KCNAB1: variants seen among roughly 807,000 people sequenced by gnomAD.
KCNAB1 encodes potassium voltage-gated channel subfamily A regulatory beta subunit 1.
In KCNAB1, 35 loss-of-function variants were observed where a neutral mutation model predicts 64.6. The ratio of observed to expected loss-of-function variants is 0.54; its 90% CI spans 0.41 to 0.72. The LOEUF is 0.72. Ranked by LOEUF, KCNAB1 falls within the 30% of genes least tolerant of loss-of-function variation. The pLI, the probability that KCNAB1 is intolerant of heterozygous loss-of-function variation, is 0.00. For missense variants in KCNAB1, 401 were observed against 512.9 expected, an observed-to-expected ratio of 0.78 and a Z score of 2.11; for synonymous variants, 177 against 183.8, an observed-to-expected ratio of 0.96 and a Z score of 0.30.
intron 1 of KCNAB1, among the ~76,000 whole-genome samples, chr3:156,236,991 A>G (rs1390761969): frequency 2.0e-5 from 3 of 152,148 alleles, no homozygotes; most frequent in African/African-American, 7.2e-5. Flanking sequence ...TTGCAGTGTT[A>G]TTGCTCTTGA....
At chr3:156,524,604 G>T (rs192438634) in intron 12 of KCNAB1, among the ~76,000 whole-genome samples, 1 of 151,840 alleles carries the variant, frequency 6.6e-6, no homozygotes, top group Non-Finnish European at 1.5e-5. Context: ...AAAATTAGCC[G>T]GGCGTGGTGG....
At position 156,465,674 on chromosome 3, in the gene KCNAB1, C is replaced by T; in HGVS notation, c.559C>T (p.His187Tyr). The T allele has an allele frequency of 6.2e-7, 1 of 1,613,120 alleles. No individual in the cohort carries two copies. ...AACAGAAAGAGGGCTGTCAAGAAAG[C>T]ATATTATTGAAGGTGGGTACTTCTG... ...AETERGLSRK[H>Y]IIEGLKGSLQ... The change falls in exon 7 of 14, where the codon CAT (histidine) becomes TAT (tyrosine). Residue 187 changes from histidine (H) to tyrosine (Y), a missense_variant. Transcript: ENST00000490337.
chr3:156,459,661 G>A (rs190578315), intron 4 of KCNAB1, among the ~76,000 whole-genome samples, 166 bp from the exon 5 acceptor site: 1 of 152,106 alleles, frequency 6.6e-6, no homozygotes, highest in Non-Finnish European at 1.5e-5. Flanking sequence ...GGATTTTGCA[G>A]GCACAAGCAG....
chr3:156,484,964 A>G (rs1715094016), intron 8 of KCNAB1, among the ~76,000 whole-genome samples: 2 of 152,086 alleles, frequency 1.3e-5, no homozygotes, highest in East Asian at 1.9e-4. Flanking sequence ...TCATTTGTAA[A>G]ATGGGAAGAA....
chr3:156,432,316 T>C (rs1301268769), intron 2 of KCNAB1, among the ~76,000 whole-genome samples: 1 of 152,196 alleles, frequency 6.6e-6, no homozygotes, highest in Admixed American at 6.5e-5. Flanking sequence ...GCAGGGTAAA[T>C]ATACAGCTTT....
At chr3:156,225,378 T>C (rs907701455) in intron 1 of KCNAB1, among the ~76,000 whole-genome samples, 2 of 152,220 alleles carry the variant, frequency 1.3e-5, no homozygotes, top group Admixed American at 6.5e-5. Context: ...CATTGCTTTA[T>C]GATTAAAATC....
intron 1 of KCNAB1, among the ~76,000 whole-genome samples, chr3:156,247,509 G>A (rs1455596746): frequency 4.6e-5 from 7 of 151,872 alleles, no homozygotes; most frequent in Non-Finnish European, 8.8e-5. Context: ...TTCATGCACC[G>A]CCTCCTCTGG....
At chr3:156,181,943 G>T (rs972108737) in intron 1 of KCNAB1, among the ~76,000 whole-genome samples, 1 of 152,138 alleles carries the variant, frequency 6.6e-6, no homozygotes, top group Admixed American at 6.5e-5. Context: ...AGATTATTAA[G>T]TTATATGAAA....
intron 2 of KCNAB1, among the ~76,000 whole-genome samples, chr3:156,442,470 A>G (rs541131731): frequency 7.2e-5 from 11 of 152,238 alleles, no homozygotes; most frequent in Non-Finnish European, 1.6e-4. Flanking sequence ...AAATCTTAAA[A>G]CAAAATGGAG....
chr3:156,307,154 A>AG (rs1721545723), intron 1 of KCNAB1, among the ~76,000 whole-genome samples: 1 of 152,196 alleles, frequency 6.6e-6, no homozygotes, highest in African/African-American at 2.4e-5. Flanking sequence ...GGAAGATGGA[A>AG]GAGGAGAGCA....
rs1718123971 is a variant in KCNAB1 at position 156,256,811 on chromosome 3, G to C, written c.275+135925G>C. 2.0e-5 allele frequency among the ~76,000 whole-genome samples: 3 copies of C among 152,192 alleles called. No individual in the cohort carries two copies. In the South Asian group the frequency reaches 6.2e-4, roughly 32 times the overall value. ...GTGCTTCTTTGGTCTCTGGCTTCTAGTTGGGTTCAGCCCATTGGCAGGAGA... is the reference window on the plus strand; with the variant it reads ...GTGCTTCTTTGGTCTCTGGCTTCTACTTGGGTTCAGCCCATTGGCAGGAGA... On this transcript the variant is annotated intron_variant, in intron 1 of 13. Coordinates refer to ENST00000490337, the MANE Select transcript of KCNAB1 (RefSeq NM_172160.3).
At chr3:156,504,736 G>GTTTTTTTTT (rs1553756361) in intron 8 of KCNAB1, among the ~76,000 whole-genome samples, 2 of 105,846 alleles carry the variant, frequency 1.9e-5, no homozygotes. Flanking sequence ...TACTTGTTTT[G>GTTTTTTTTT]TTTTTGTTTT....
At chr3:156,239,279 T>G (rs1717032641) in intron 1 of KCNAB1, among the ~76,000 whole-genome samples, 1 of 152,240 alleles carries the variant, frequency 6.6e-6, no homozygotes, top group African/African-American at 2.4e-5. Flanking sequence ...GGCAGCACAC[T>G]GTTTCTTTTT....
intron 8 of KCNAB1, among the ~76,000 whole-genome samples, chr3:156,506,096 A>T (rs1331845108): frequency 2.0e-5 from 3 of 152,308 alleles, no homozygotes; most frequent in Middle Eastern, 3.4e-3. Flanking sequence ...TGTAAATGAT[A>T]TTGCTTTCAT....
In KCNAB1 at chr3:156,143,122, G is replaced by A. The variant is rs1202044139; in HGVS notation, c.275+22236G>A. On this transcript the variant is annotated intron_variant, in intron 1 of 13. Coordinates refer to ENST00000490337, the MANE Select transcript of KCNAB1 (RefSeq NM_172160.3). ...CCCAAGGTATTCACAGCAAGATACAGTGAGTCTTAAAGTTAAGCACCGTGC... is the reference window on the plus strand; with the variant it reads ...CCCAAGGTATTCACAGCAAGATACAATGAGTCTTAAAGTTAAGCACCGTGC... 6 of 1,500,890 alleles carry A rather than the reference G, an allele frequency of 4.0e-6. No individual in the cohort carries two copies. The African/African-American group carries it at 5.6e-5, about 14-fold the overall frequency. 93.0% of individuals were successfully genotyped at this position (1,500,890 alleles called of 1,614,324 possible). A position where few individuals can be genotyped will look rare whatever the true frequency, so the allele number is the denominator to read the frequency against.
chr3:156,168,279 G>T (rs76412240), intron 1 of KCNAB1, among the ~76,000 whole-genome samples: 2 of 151,244 alleles, frequency 1.3e-5, no homozygotes, highest in Admixed American at 6.6e-5. Flanking sequence ...CAGCATATAA[G>T]TATCTATCAA....
intron 11 of KCNAB1, among the ~76,000 whole-genome samples, chr3:156,518,421 C>T (rs561233401): frequency 1.4e-5 from 2 of 144,658 alleles, no homozygotes; most frequent in Admixed American, 6.7e-5. Context: ...AGTATCAGAG[C>T]AACCTTTGGA....
At chr3:156,308,588 C>T (rs1721672881) in intron 1 of KCNAB1, among the ~76,000 whole-genome samples, 1 of 152,200 alleles carries the variant, frequency 6.6e-6, no homozygotes, top group South Asian at 2.1e-4. Flanking sequence ...TATGGAGCTT[C>T]TCTTCTGGGG....
chr3:156,383,122 C>T (rs953822862), intron 1 of KCNAB1, among the ~76,000 whole-genome samples: 1 of 152,166 alleles, frequency 6.6e-6, no homozygotes, highest in Non-Finnish European at 1.5e-5. Flanking sequence ...GAGAGCTGCT[C>T]TTGCAAAATA....
Sources: gnomAD v4.1 joint callset for allele counts (sites outside exome capture counted in the v4.1 genomes callset) on GRCh38, gnomAD v4.1.1 for gene constraint, MANE v1.5 for transcripts, NCBI Gene and HGNC (gene_info 2026-07-23, HGNC 2026-07-21) for gene names.